KCNA2: variants seen among roughly 807,000 people sequenced by gnomAD.
KCNA2 encodes the protein potassium channel, voltage gated shaker related subfamily A, member 2.
Under a neutral mutation model 33.4 loss-of-function variants are expected in KCNA2, and 11 were observed. That is an observed-to-expected ratio of 0.33 (90% confidence interval 0.21 to 0.55). The LOEUF is 0.55. Ranked by LOEUF, KCNA2 falls within the 20% of genes least tolerant of loss-of-function variation. The pLI, the probability that KCNA2 is intolerant of heterozygous loss-of-function variation, is 0.93. For synonymous variants in KCNA2, 222 were observed against 231.3 expected (o/e 0.96, Z 0.37); for missense variants, 291 against 621.6 (o/e 0.47, Z 5.66).
chr1:110,616,936 G>C (rs1034898499), intron 1 of KCNA2, among the ~76,000 whole-genome samples: 12 of 152,244 alleles, frequency 7.9e-5, no homozygotes, highest in Admixed American at 2.0e-4. Context: ...TTAAATTGAA[G>C]AATAAAGTAC....
At chr1:110,615,959 C>G (rs894708600) in intron 1 of KCNA2, among the ~76,000 whole-genome samples, 1 of 152,200 alleles carries the variant, frequency 6.6e-6, no homozygotes, top group African/African-American at 2.4e-5. Context: ...CACATGGGTG[C>G]AGGGACGTGC....
upstream of KCNA2, chr1:110,607,441 G>T: frequency 1.3e-5 from 2 of 152,430 alleles, no homozygotes; most frequent in South Asian, 3.7e-4. Flanking sequence ...CACCTGGCTC[G>T]ACGGCGAACT....
At chr1:110,622,406 C>T (rs1057277586) in intron 1 of KCNA2, among the ~76,000 whole-genome samples, 6 of 152,130 alleles carry the variant, frequency 3.9e-5, no homozygotes, top group East Asian at 3.9e-4. Context: ...TGATGAAAGA[C>T]GGAATGCTTT....
rs1055015859 is a variant in KCNA2, at chr1:110,602,617, A to G, written c.*666T>C. 3.9e-5 allele frequency: 39 copies of G among 1,000,356 alleles called. No homozygotes were observed. Among genetic ancestry groups the G allele is most frequent in the Non-Finnish European group, 4.2e-5 (35 of 839,690 alleles). 62.0% of individuals were successfully genotyped at this position (1,000,356 alleles called of 1,614,324 possible). ...CCTAAGGGAACAAATGTGAAACTTG[A>G]CAACTCATATTCGGTCATACTAACT... On this transcript the variant is annotated 3_prime_UTR_variant, in exon 3 of 3. Coordinates refer to ENST00000316361, the MANE Select transcript of KCNA2 (RefSeq NM_004974.4).
chr1:110,603,490 T>C lies in KCNA2; in HGVS notation c.1293A>G (p.Gln431=). The C allele has an allele frequency of 6.2e-7, 1 of 1,614,106 alleles. No homozygotes were observed. Among genetic ancestry groups the C allele is most frequent in the South Asian group, 1.1e-5 (1 of 91,046 alleles). The change falls in exon 3 of 3, where the codon CAA becomes CAG. Residue 431 remains glutamine, a synonymous_variant. Coordinates refer to ENST00000316361, the MANE Select transcript of KCNA2 (RefSeq NM_004974.4). The surrounding 1 kb of genome is among the most constrained non-coding windows in gnomAD (Gnocchi z 5.7). The part of the protein sequence containing the change: ...TEGEEQAQYL[Q]VTSCPKIPSS... ...ATGGGATCTTTGGACAGCTTGTCAC[T>C]TGCAAGTATTGGGCCTGTTCCTCTC...
Position 110,602,238 on chromosome 1 carries a change from T to C in KCNA2, c.*1045A>G, listed in dbSNP as rs939793141. ...TTTTAGTTCCATTCCAAATAGTCTA[T>C]TTTTTTTCCCCTGATGGAGGGATTT... On this transcript the variant is annotated 3_prime_UTR_variant, in exon 3 of 3. Transcript: ENST00000316361. 3.6e-5 allele frequency: 46 copies of C among 1,292,906 alleles called. No homozygotes were observed. The highest frequency in any genetic ancestry group is 2.5e-4 in the Middle Eastern group (1 of 4,044). The allele number at this position is 1,292,906 out of a possible 1,614,324, so 80.1% of individuals were successfully genotyped here.
upstream of KCNA2, among the ~76,000 whole-genome samples, chr1:110,611,061 GA>G (rs1649854914): frequency 7.0e-6 from 1 of 142,392 alleles, no homozygotes; most frequent in African/African-American, 2.7e-5. Context: ...AGGAAGGAAG[GA>G]AGGAAGGAAA....
At chr1:110,621,237 A>G (rs746982584) in intron 1 of KCNA2, among the ~76,000 whole-genome samples, 23 of 152,246 alleles carry the variant, frequency 1.5e-4, no homozygotes, top group Non-Finnish European at 3.4e-4. Context: ...AAAATGGATT[A>G]GTGTGCTAAT....
chr1:110,619,420 G>T (rs1307469626), intron 1 of KCNA2, among the ~76,000 whole-genome samples: 6 of 152,188 alleles, frequency 3.9e-5, no homozygotes, highest in Admixed American at 6.5e-5. Flanking sequence ...CACTCCCAAG[G>T]GTATGGCTGG....
chr1:110,618,408 C>A (rs1465682496), intron 1 of KCNA2, among the ~76,000 whole-genome samples: 1 of 152,214 alleles, frequency 6.6e-6, no homozygotes, highest in Non-Finnish European at 1.5e-5. Context: ...AGAACCCTGA[C>A]TGCCTCTGAC....
In KCNA2 at chr1:110,604,513, G is replaced by A. The variant is rs756064094; in HGVS notation, c.270C>T (p.Tyr90=). Residue 90 remains tyrosine (Y), a synonymous_variant, in exon 3 of 3, where the codon TAC becomes TAT. Coordinates refer to ENST00000316361, the MANE Select transcript of KCNA2 (RefSeq NM_004974.4). This position sits in a 1 kb window ranked among gnomAD's most constrained non-coding sequence, Gnocchi z 7.6. ...TCAATCGGCCCCCTGACTGGTAGTA[G>A]TACAAAATGGCATCAAAGCTAGGGC... ...RNRPSFDAIL[Y]YYQSGGRLRR... 8 of 1,614,244 alleles carry A rather than the reference G, an allele frequency of 5.0e-6. No individual in the cohort carries two copies. The South Asian group carries it at 7.7e-5, about 16-fold the overall frequency.
intron 1 of KCNA2, among the ~76,000 whole-genome samples, chr1:110,612,820 A>G (rs750602878): frequency 3.3e-5 from 5 of 152,164 alleles, no homozygotes; most frequent in Non-Finnish European, 7.4e-5. Context: ...GGAAGTCCAC[A>G]CTGGCATCAC....
rs1650270904 is a variant in KCNA2, at chr1:110,622,021, T to C, written c.-496+9374A>G. Among the ~76,000 whole-genome samples the C allele has an allele frequency of 2.0e-5, 3 of 152,098 alleles. No individual in the cohort carries two copies. In the South Asian group the frequency reaches 6.2e-4, roughly 32 times the overall value. ...TTATGTGAGGCCAGCATTACACTTA[T>C]ACCAAAACCAGACAAAAACATCACC... On this transcript the variant is annotated intron_variant, in intron 1 of 4. Coordinates refer to the KCNA2 transcript ENST00000369770.
rs1362740053 is a variant in KCNA2 at position 110,594,169 on chromosome 1, C to T, written c.*9114G>A. ...TTGAGTTTTCAGCAATTATTAGAGA[C>T]AGGACATGGGAGGGCAGCTGAAGAT... On this transcript the variant is annotated 3_prime_UTR_variant, in exon 3 of 3. Coordinates refer to ENST00000316361, the MANE Select transcript of KCNA2 (RefSeq NM_004974.4). 7.6e-7 allele frequency: 1 copy of T among 1,307,224 alleles called. No homozygotes were observed. The highest frequency in any genetic ancestry group is 3.4e-5 in the East Asian group (1 of 29,562). 81.0% of individuals were successfully genotyped at this position (1,307,224 alleles called of 1,614,324 possible).
In KCNA2 at chr1:110,616,460, C is replaced by T. The variant is rs186054174; in HGVS notation, c.-495-10738G>A. Reference sequence around the variant, plus strand: ...CTTCCAGCTGCACCTTTCCAAAGTCCAGGAGCTTTCAGGAAATAAGAAAAA... The same window carrying T: ...CTTCCAGCTGCACCTTTCCAAAGTCTAGGAGCTTTCAGGAAATAAGAAAAA... On this transcript the variant is annotated intron_variant, in intron 1 of 4. Transcript: ENST00000369770. 4.6e-5 allele frequency among the ~76,000 whole-genome samples: 7 copies of T among 152,310 alleles called. No individual in the cohort carries two copies. In the East Asian group the frequency reaches 1.3e-3, roughly 29 times the overall value.
rs2101359131 is a variant in KCNA2, at chr1:110,596,640, A to G, written c.*6643T>C. The G allele has an allele frequency of 8.5e-6, 6 of 704,524 alleles. No individual in the cohort carries two copies. Among genetic ancestry groups the G allele is most frequent in the Non-Finnish European group, 1.0e-5 (6 of 573,674 alleles). The allele number at this position is 704,524 out of a possible 1,614,324, so 43.6% of individuals were successfully genotyped here. A position where few individuals can be genotyped will look rare whatever the true frequency, so the allele number is the denominator to read the frequency against. On this transcript the variant is annotated 3_prime_UTR_variant, in exon 3 of 3. Coordinates refer to ENST00000316361, the MANE Select transcript of KCNA2 (RefSeq NM_004974.4). Reference sequence around the variant, plus strand: ...CCCTGAGCAAGGCAAGGTCCCTGTTATCTTCAAACACTCTACTTAACTAAG... The same window carrying G: ...CCCTGAGCAAGGCAAGGTCCCTGTTGTCTTCAAACACTCTACTTAACTAAG...
upstream of KCNA2, among the ~76,000 whole-genome samples, chr1:110,608,568 T>C (rs1180874383): frequency 1.3e-5 from 2 of 152,110 alleles, no homozygotes; most frequent in Non-Finnish European, 2.9e-5. Flanking sequence ...CTGTGAGGTG[T>C]GGTTGAAGAC....
chr1:110,616,130 A>G (rs1650042382), intron 1 of KCNA2, among the ~76,000 whole-genome samples: 1 of 152,200 alleles, frequency 6.6e-6, no homozygotes, highest in Admixed American at 6.5e-5. Flanking sequence ...GCCTCAAAGG[A>G]ATTCCTCTCT....
chr1:110,604,772 G>C lies in KCNA2; in HGVS notation c.11C>G (p.Ala4Gly). Residue 4 changes from alanine to glycine, a missense_variant, in exon 3 of 3, where the codon GCC (alanine) becomes GGC (glycine). This residue lies in a region of KCNA2 where 163 missense variants were observed against 273.5 expected (regional missense o/e 0.60). Coordinates refer to ENST00000316361, the MANE Select transcript of KCNA2 (RefSeq NM_004974.4). The surrounding 1 kb of genome is among the most constrained non-coding windows in gnomAD (Gnocchi z 7.6). MTVATGDPADEAAA... is the reference protein window; with the variant it reads MTVGTGDPADEAAA... ...AGCCTCGTCTGCTGGGTCTCCGGTGGCCACTGTCATAATTGGGACTGAGAG... is the reference window on the plus strand; with the variant it reads ...AGCCTCGTCTGCTGGGTCTCCGGTGCCCACTGTCATAATTGGGACTGAGAG... 2 of 1,612,444 alleles carry C rather than the reference G, an allele frequency of 1.2e-6. No homozygotes were observed. Among genetic ancestry groups the C allele is most frequent in the Non-Finnish European group, 1.7e-6 (2 of 1,179,198 alleles).
Sources: allele counts gnomAD v4.1 joint callset (sites outside exome capture counted in the v4.1 genomes callset), GRCh38; gene constraint gnomAD v4.1.1; regional missense constraint gnomAD v4.1.1; non-coding constraint Gnocchi (gnomAD v3.1); transcripts MANE v1.5; gene names NCBI Gene and HGNC (gene_info 2026-07-23, HGNC 2026-07-21).